The following MEIS2 variants were observed in gnomAD, a reference collection of about 807,000 sequenced individuals.
The protein encoded by MEIS2 is homeobox protein Meis2.
MEIS2 carries 9 observed loss-of-function variants against 58.6 expected under a neutral mutation model. The ratio of observed to expected loss-of-function variants is 0.15; its 90% confidence interval spans 0.09 to 0.27. MEIS2 has a LOEUF of 0.27. Ranked by LOEUF, MEIS2 falls within the 10% of genes least tolerant of loss-of-function variation. The probability of loss-of-function intolerance (pLI) is 1.00; values close to 1 mark genes in which losing one functional copy is unlikely to be tolerated. For missense variants in MEIS2, 427 were observed against 635.0 expected (o/e 0.67, Z 3.52); for synonymous variants, 221 against 228.4 (o/e 0.97, Z 0.29).
Position 36,895,181 on chromosome 15 carries a change from C to T in MEIS2, c.1117G>A (p.Gly373Ser), listed in dbSNP as rs1047475739. ...GQPMGSFVLD[G>S]QQHMGIRPAG... ...GGCCGGATCCCCATGTGTTGCTGAC[C>T]ATCCAACACAAAGCTCCCCATGGGC... The change falls in exon 11 of 12, where the codon GGT becomes AGT. Residue 373 changes from glycine to serine, a missense_variant. Around this residue, in one of 6 missense-constraint regions of MEIS2, gnomAD observed 154 missense variants for 148.1 expected, o/e 1.04. Transcript: ENST00000561208. The T allele has an allele frequency of 5.0e-6, 8 of 1,614,132 alleles. No homozygotes were observed. The highest frequency in any genetic ancestry group is 5.9e-6 in the Non-Finnish European group (7 of 1,180,034).
intron 4 of MEIS2, among the ~76,000 whole-genome samples, chr15:37,094,800 A>G (rs1893993168): frequency 6.6e-6 from 1 of 152,076 alleles, no homozygotes; most frequent in Non-Finnish European, 1.5e-5. Context: ...ACTCAACCTG[A>G]GCATAAGCAT....
chr15:37,022,924 G>C (rs2061574203), intron 8 of MEIS2, among the ~76,000 whole-genome samples: 2 of 152,090 alleles, frequency 1.3e-5, no homozygotes, highest in Non-Finnish European at 1.5e-5. Context: ...CAAAGTGCTG[G>C]GATTACAGGC....
chr15:36,950,522 C>T (rs988835956), intron 8 of MEIS2, 122 bp from the exon 9 acceptor site: 1 of 899,156 alleles, frequency 1.1e-6, no homozygotes, highest in Non-Finnish European at 1.7e-6. Flanking sequence ...CTACTTGCAT[C>T]TTTTTTATCA....
chr15:36,979,303 A>C (rs1717346061), intron 8 of MEIS2, among the ~76,000 whole-genome samples: 1 of 152,194 alleles, frequency 6.6e-6, no homozygotes, highest in Admixed American at 6.5e-5. Context: ...GAATACATAT[A>C]TTACATATAT....
chr15:37,041,922 A>G (rs1318490108), intron 7 of MEIS2, among the ~76,000 whole-genome samples: 3 of 152,168 alleles, frequency 2.0e-5, no homozygotes, highest in Non-Finnish European at 4.4e-5. Context: ...CATGCCTGTA[A>G]TCCCAGCACT....
In MEIS2 at chr15:37,017,511, T is replaced by G. The variant is rs1434561224; in HGVS notation, c.900+19303A>C. On this transcript the variant is annotated intron_variant, in intron 8 of 11. Transcript: ENST00000561208. ...CTGTAGTCCCAGCTACTTGGAAGGC[T>G]GAGGTGCAAAGATCGCTTGAGCCCA... Among the ~76,000 whole-genome samples, 5 of 152,060 alleles carry G rather than the reference T, an allele frequency of 3.3e-5. No individual in the cohort carries two copies. The East Asian group carries it at 5.8e-4, about 18-fold the overall frequency.
At chr15:36,912,660 G>A (rs956933911) in intron 9 of MEIS2, among the ~76,000 whole-genome samples, 12 of 152,136 alleles carry the variant, frequency 7.9e-5, no homozygotes, top group African/African-American at 2.9e-4. Context: ...CGACATCAAA[G>A]CATTTGGAGA....
At chr15:37,064,054 G>T (rs541686650) in intron 7 of MEIS2, among the ~76,000 whole-genome samples, 2 of 152,176 alleles carry the variant, frequency 1.3e-5, no homozygotes, top group East Asian at 3.9e-4. Flanking sequence ...AATGATATGC[G>T]AAGACAGCAT....
At chr15:37,029,605 C>A (rs1268377422) in intron 8 of MEIS2, among the ~76,000 whole-genome samples, 1 of 152,006 alleles carries the variant, frequency 6.6e-6, no homozygotes, top group South Asian at 2.1e-4. Flanking sequence ...ACATCTCTAA[C>A]CCTTGGTGAT....
Position 36,892,144 on chromosome 15 carries a change from T to G in MEIS2, c.*29A>C, listed in dbSNP as rs1437024037. The G allele has an allele frequency of 6.2e-7, 1 of 1,610,110 alleles. No individual in the cohort carries two copies. Among genetic ancestry groups the G allele is most frequent in the East Asian group, 2.2e-5 (1 of 44,870 alleles). ...AAAGTCTTAAAATAGTTTTTGCGTG[T>G]GTTTCCTTTTCCCTTGAGTTCCCTT... On this transcript the variant is annotated 3_prime_UTR_variant, in exon 12 of 12. Transcript: ENST00000561208.
At chr15:37,009,787 G>C (rs1230433209) in intron 8 of MEIS2, among the ~76,000 whole-genome samples, 1 of 152,034 alleles carries the variant, frequency 6.6e-6, no homozygotes, top group African/African-American at 2.4e-5. Context: ...AGGAGGGTCT[G>C]AAAAAAATTG....
intron 8 of MEIS2, among the ~76,000 whole-genome samples, chr15:36,980,343 T>C (rs78088529): frequency 0.011 from 1,738 of 152,260 alleles, 37 homozygotes; most frequent in African/African-American, 0.039. Flanking sequence ...AATAAAGACA[T>C]ACCCAAGACT....
rs548044444 is a variant in MEIS2 at position 36,957,180 on chromosome 15, A to C, written c.901-6780T>G. The stretch of plus-strand genomic sequence containing the variant: ...ATTCGAAAAGCAAATGACAAGGTGG[A>C]ATTTTAACAATGTTTCTTAAAATGA... On this transcript the variant is annotated intron_variant, in intron 8 of 11. Transcript: ENST00000561208. Among the ~76,000 whole-genome samples the C allele has an allele frequency of 2.6e-5, 4 of 152,278 alleles. No homozygotes were observed. In the East Asian group the frequency reaches 5.8e-4, roughly 22 times the overall value.
chr15:37,084,137 T>C (rs1892591695), intron 6 of MEIS2, among the ~76,000 whole-genome samples: 1 of 152,206 alleles, frequency 6.6e-6, no homozygotes. Context: ...TTTAAGTGTA[T>C]ACTTTAAATG....
Position 36,927,976 on chromosome 15 carries a change from G to A in MEIS2, c.977+22348C>T, listed in dbSNP as rs74011022. Among the ~76,000 whole-genome samples, 1,321 of 152,078 alleles carry A rather than the reference G, an allele frequency of 8.7e-3. 14 individuals carry two copies. Among genetic ancestry groups the A allele is most frequent in the African/African-American group, 0.029 (1,187 of 41,504 alleles). ...ACTGCTGAAAAAAATATTTACAGCC[G>A]GCCAAGATTTCTGGTTTTCATGACC... On this transcript the variant is annotated intron_variant, in intron 9 of 11. Coordinates refer to ENST00000561208, the MANE Select transcript of MEIS2 (RefSeq NM_170675.5).
intron 9 of MEIS2, among the ~76,000 whole-genome samples, chr15:36,924,560 C>T (rs1647413405): frequency 6.6e-6 from 1 of 152,184 alleles, no homozygotes; most frequent in African/African-American, 2.4e-5. Context: ...ATAAAGGGCG[C>T]CAGTGAGGAC....
At chr15:37,075,608 G>C (rs1891301541) in intron 7 of MEIS2, among the ~76,000 whole-genome samples, 1 of 152,036 alleles carries the variant, frequency 6.6e-6, no homozygotes, top group East Asian at 1.9e-4. Context: ...TTTGTTTATT[G>C]CTTCAAAAAT....
intron 7 of MEIS2, among the ~76,000 whole-genome samples, chr15:37,047,471 A>G (rs962043631): frequency 1.3e-5 from 2 of 152,188 alleles, no homozygotes; most frequent in Non-Finnish European, 2.9e-5. Flanking sequence ...CCAAGAGAAG[A>G]CCAACCTGAT....
In MEIS2 at chr15:37,098,004, T is replaced by G; in HGVS notation, c.208A>C (p.Asn70His). The change falls in exon 2 of 12, where the codon AAC becomes CAC. Residue 70 changes from asparagine (N) to histidine (H), a missense_variant. Asn to His is a moderately conservative substitution (Grantham distance 68). This residue lies in a region of MEIS2 where 103 missense variants were observed against 111.8 expected (regional missense o/e 0.92). Coordinates refer to ENST00000561208, the MANE Select transcript of MEIS2 (RefSeq NM_170675.5). ...TCCTTGTCCCGCTTCAAGGCGTCGT[T>G]GACAGCGGATCCCATACTGGCCGGC... ...VMPASMGSAV[N>H]DALKRDKDAI... 1 of 1,610,396 alleles carries G rather than the reference T, an allele frequency of 6.2e-7. No homozygotes were observed. The highest frequency in any genetic ancestry group is 8.5e-7 in the Non-Finnish European group (1 of 1,177,484).
Sources: gnomAD v4.1 joint callset for allele counts (sites outside exome capture counted in the v4.1 genomes callset) on GRCh38, gnomAD v4.1.1 for gene constraint, gnomAD v4.1.1 regional missense constraint, MANE v1.5 for transcripts, NCBI Gene and HGNC (gene_info 2026-07-23, HGNC 2026-07-21) for gene names.